The following ZCCHC2 variants were observed in gnomAD, a reference collection of about 807,000 sequenced individuals.
ZCCHC2 encodes the protein zinc finger CCHC-type containing 2, also known as zinc finger CCHC domain-containing protein 2.
ZCCHC2 carries 39 observed loss-of-function variants against 103.6 expected under a neutral mutation model. That is an observed-to-expected ratio of 0.38 (90% CI 0.29 to 0.49). The LOEUF is 0.49. Among genes scored for constraint, ZCCHC2 ranks in the 20% least tolerant of loss-of-function variants. The pLI, the probability that ZCCHC2 is intolerant of heterozygous loss-of-function variation, is 0.96. For synonymous variants in ZCCHC2, 687 were observed against 608.9 expected, an observed-to-expected ratio of 1.13 and a Z score of -1.89; for missense variants, 1,483 against 1,491.0, an observed-to-expected ratio of 0.99 and a Z score of 0.09.
chr18:62,537,711 T>G (rs1460992484), intron 1 of ZCCHC2, among the ~76,000 whole-genome samples: 1 of 152,260 alleles, frequency 6.6e-6, no homozygotes, highest in Non-Finnish European at 1.5e-5. Context: ...TTACACCTTG[T>G]GGCTATTGTG....
chr18:62,535,565 C>G (rs531436384), intron 1 of ZCCHC2, among the ~76,000 whole-genome samples: 1 of 152,294 alleles, frequency 6.6e-6, no homozygotes, highest in South Asian at 2.1e-4. Flanking sequence ...AGATGGCATC[C>G]CTAGACCCCT....
At chr18:62,528,308 C>A (rs1037594617) in intron 1 of ZCCHC2, among the ~76,000 whole-genome samples, 1 of 152,196 alleles carries the variant, frequency 6.6e-6, no homozygotes, top group Non-Finnish European at 1.5e-5. Context: ...AAAAGAAAAC[C>A]TTGCGGCCAG....
chr18:62,540,151 A>G (rs1915112148), intron 2 of ZCCHC2, among the ~76,000 whole-genome samples: 1 of 152,240 alleles, frequency 6.6e-6, no homozygotes, highest in South Asian at 2.1e-4. Context: ...TGAATTTTAT[A>G]CAAGTTCTCT....
At chr18:62,570,760 CAT>C (rs905383100) in intron 12 of ZCCHC2, among the ~76,000 whole-genome samples, 1 of 152,180 alleles carries the variant, frequency 6.6e-6, no homozygotes, top group Non-Finnish European at 1.5e-5. Context: ...TTGTAGACAA[CAT>C]ATAGTTAGAT....
At chr18:62,562,549 T>C (rs903590989) in intron 8 of ZCCHC2, among the ~76,000 whole-genome samples, 1 of 152,222 alleles carries the variant, frequency 6.6e-6, no homozygotes, top group African/African-American at 2.4e-5. Context: ...TTGTCAACCA[T>C]GTTAAGCACT....
Position 62,576,631 on chromosome 18 carries a change from T to A in ZCCHC2, c.*52T>A. ...CACTCAAGTGTGGGGAGTCATGGGG[T>A]GTGGAGGGGAGGAAAGGAAAGGTAT... On this transcript the variant is annotated 3_prime_UTR_variant, in exon 14 of 14. Coordinates refer to ENST00000269499, the MANE Select transcript of ZCCHC2 (RefSeq NM_017742.6). 6.5e-7 allele frequency: 1 copy of A among 1,545,812 alleles called. No individual in the cohort carries two copies. The highest frequency in any genetic ancestry group is 1.4e-5 in the African/African-American group (1 of 73,364).
At chr18:62,573,578 C>CA (rs1263857145) in intron 12 of ZCCHC2, among the ~76,000 whole-genome samples, 2 of 151,978 alleles carry the variant, frequency 1.3e-5, no homozygotes, top group Non-Finnish European at 2.9e-5. Context: ...ACAACAACAA[C>CA]AAAAGAAAAC....
intron 4 of ZCCHC2, among the ~76,000 whole-genome samples, chr18:62,546,408 C>A (rs1000205490): frequency 6.6e-6 from 1 of 152,226 alleles, no homozygotes; most frequent in African/African-American, 2.4e-5. Flanking sequence ...CTAATTATTT[C>A]TTTCTTTTCT....
chr18:62,537,401 C>A (rs1167264845), intron 1 of ZCCHC2, among the ~76,000 whole-genome samples: 1 of 152,154 alleles, frequency 6.6e-6, no homozygotes, highest in Non-Finnish European at 1.5e-5. Flanking sequence ...GAAATACTTG[C>A]CTTATGTGAT....
At chr18:62,561,855 C>G (rs1010612825) in intron 8 of ZCCHC2, among the ~76,000 whole-genome samples, 1 of 152,220 alleles carries the variant, frequency 6.6e-6, no homozygotes, top group Non-Finnish European at 1.5e-5. Flanking sequence ...ATTCTTGAAT[C>G]TGTAGCTTGA....
intron 12 of ZCCHC2, among the ~76,000 whole-genome samples, chr18:62,570,978 T>C (rs546851458): frequency 1.5e-3 from 227 of 152,344 alleles, no homozygotes; most frequent in African/African-American, 5.3e-3. Flanking sequence ...TATGTAACTA[T>C]AGGCATGAGC....
At chr18:62,529,252 C>T (rs1179456671) in intron 1 of ZCCHC2, among the ~76,000 whole-genome samples, 1 of 151,988 alleles carries the variant, frequency 6.6e-6, no homozygotes, top group African/African-American at 2.4e-5. Flanking sequence ...TTAACTGACC[C>T]CTGCTGCTGG....
intron 5 of ZCCHC2, among the ~76,000 whole-genome samples, chr18:62,552,733 T>A (rs558621409): frequency 2.4e-4 from 37 of 151,746 alleles, no homozygotes; most frequent in Admixed American, 2.0e-3. Flanking sequence ...ACAAAAAAAA[T>A]TTTTTAATTA....
chr18:62,574,753 C>T lies in ZCCHC2; in HGVS notation c.2672C>T (p.Thr891Ile). 6.2e-7 allele frequency: 1 copy of T among 1,614,014 alleles called. No homozygotes were observed. The highest frequency in any genetic ancestry group is 1.3e-5 in the African/African-American group (1 of 75,044). Residue 891 changes from threonine to isoleucine, a missense_variant, in exon 13 of 14, where the codon ACA becomes ATA. By Grantham distance (89) the Thr-to-Ile change is moderately conservative. Coordinates refer to ENST00000269499, the MANE Select transcript of ZCCHC2 (RefSeq NM_017742.6). Reference protein sequence around the residue: ...MVPQIEGNTGTVPQPTNVKVV... With the variant: ...MVPQIEGNTGIVPQPTNVKVV... Reference sequence around the variant, plus strand: ...CCTCAAATTGAGGGAAACACAGGGACAGTCCCTCAGCCTACCAATGTGAAG... The same window carrying T: ...CCTCAAATTGAGGGAAACACAGGGATAGTCCCTCAGCCTACCAATGTGAAG...
rs1026902713 is a variant in ZCCHC2, at chr18:62,564,586, C to T, written c.1702C>T (p.Arg568Trp). The change falls in exon 10 of 14, where the codon CGG (arginine) becomes TGG (tryptophan). Residue 568 changes from arginine (R) to tryptophan (W), a missense_variant. Coordinates refer to ENST00000269499, the MANE Select transcript of ZCCHC2 (RefSeq NM_017742.6). ...TTTCTACTAGCATTCTGCTGAAAAA[C>T]GGAGTTTATCTTCAATAAATAAGAA... ...TSADQHSAEK[R>W]SLSSINKKKG... 1.1e-5 allele frequency: 17 copies of T among 1,538,250 alleles called. No individual in the cohort carries two copies. The highest frequency in any genetic ancestry group is 5.5e-5 in the African/African-American group (4 of 72,474).
At chr18:62,564,676 A>T in intron 10 of ZCCHC2, 41 bp downstream of exon 10, 1 of 1,383,408 alleles carries the variant, frequency 7.2e-7, no homozygotes, top group Admixed American at 2.4e-5. Context: ...AGCCTTTGAT[A>T]ATAGGCCTGT....
chr18:62,586,096 C>T (rs891674858), exon 15 of ZCCHC2: 1 of 111,430 alleles, frequency 9.0e-6, no homozygotes, highest in South Asian at 3.6e-4. Flanking sequence ...CTTTCTGGAA[C>T]TTGCCTTTTT....
intron 14 of ZCCHC2, among the ~76,000 whole-genome samples, chr18:62,583,780 G>C (rs1256097507): frequency 2.0e-5 from 3 of 152,082 alleles, no homozygotes; most frequent in Non-Finnish European, 4.4e-5. Context: ...TGGAAACGTA[G>C]TCACGACATC....
chr18:62,542,229 T>C (rs1259746050), intron 2 of ZCCHC2, among the ~76,000 whole-genome samples: 4 of 152,200 alleles, frequency 2.6e-5, no homozygotes, highest in African/African-American at 7.2e-5. Flanking sequence ...TTAAAATCTT[T>C]GGTGTTAATA....
Sources: gnomAD v4.1 joint callset for allele counts (sites outside exome capture counted in the v4.1 genomes callset) on GRCh38, gnomAD v4.1.1 for gene constraint, MANE v1.5 for transcripts, NCBI Gene and HGNC (gene_info 2026-07-23, HGNC 2026-07-21) for gene names.